Variants in CAPN3 observed in about 807,000 individuals in gnomAD.
CAPN3 encodes calpain 3, also known as calpain-3.
In CAPN3, 88 loss-of-function variants were observed where a neutral mutation model predicts 114.0. The ratio of observed to expected loss-of-function variants is 0.77; its 90% confidence interval spans 0.65 to 0.92. The LOEUF (loss-of-function observed/expected upper bound fraction) is 0.92, where lower values mean the gene tolerates loss of function less well. Ranked by LOEUF, CAPN3 falls within the 40% of genes least tolerant of loss-of-function variation. CAPN3 has a pLI of 0.00. For synonymous variants in CAPN3, 386 were observed against 382.9 expected, an observed-to-expected ratio of 1.01 and a Z score of -0.09; for missense variants, 1,028 against 1,069.0, an observed-to-expected ratio of 0.96 and a Z score of 0.53.
chr15:42,360,142 G>GT (rs756905810), intron 1 of CAPN3, 28 bp downstream of exon 1: 3 of 1,613,676 alleles, frequency 1.9e-6, no homozygotes, highest in Non-Finnish European at 2.5e-6. Context: ...TGCTGGCTGG[G>GT]TTTTCCCCCC....
rs774048743 is a variant in CAPN3 at position 42,359,938 on chromosome 15, G to A, written c.133G>A (p.Ala45Thr). The change falls in exon 1 of 24, where the codon GCC becomes ACC. Residue 45 changes from alanine (A) to threonine (T), a missense_variant. Transcript: ENST00000397163. The part of the protein sequence containing the change: ...GGGNPSGIYS[A>T]IISRNFPIIG... ...TGGAAACCCAAGTGGCATCTATTCA[G>A]CCATCATCAGCCGCAATTTTCCTAT... 5.6e-5 allele frequency: 91 copies of A among 1,614,066 alleles called. No individual in the cohort carries two copies. The highest frequency in any genetic ancestry group is 7.5e-5 in the Non-Finnish European group (89 of 1,180,034).
chr15:42,405,209 A>T (rs996435218), intron 14 of CAPN3, among the ~76,000 whole-genome samples: 6 of 152,226 alleles, frequency 3.9e-5, no homozygotes, highest in Non-Finnish European at 7.4e-5. Context: ...TTGCTCAAAA[A>T]TTTTTAAAAA....
In CAPN3 at chr15:42,385,531, C is replaced by CAGAG. The variant is rs751078121; in HGVS notation, c.380-610_380-607dup. ...CCTATTATATATATATATACACACA[C>CAGAG]AGAGAGAGAGAGAGAGAGAGAGAGA... On this transcript the variant is annotated intron_variant, in intron 2 of 23. Transcript: ENST00000397163. 641 of 361,082 alleles carry CAGAG rather than the reference C, an allele frequency of 1.8e-3. 2 individuals carry two copies. The highest frequency in any genetic ancestry group is 4.6e-3 in the South Asian group (220 of 47,346). The allele number at this position is 361,082 out of a possible 1,614,324, so 22.4% of individuals were successfully genotyped here.
chr15:42,360,771 A>G (rs769250731), intron 1 of CAPN3, among the ~76,000 whole-genome samples: 6 of 152,122 alleles, frequency 3.9e-5, no homozygotes, highest in Non-Finnish European at 8.8e-5. Context: ...CCGGATTAAA[A>G]CTTTCTGTTT....
chr15:42,363,658 G>A (rs1194419980), intron 1 of CAPN3, among the ~76,000 whole-genome samples: 1 of 152,174 alleles, frequency 6.6e-6, no homozygotes, highest in African/African-American at 2.4e-5. Flanking sequence ...GGAGTCCCTG[G>A]GCCACCTGGT....
chr15:42,380,625 A>G (rs919668006), intron 1 of CAPN3, among the ~76,000 whole-genome samples: 4 of 142,892 alleles, frequency 2.8e-5, no homozygotes, highest in Admixed American at 1.4e-4. Flanking sequence ...ATGTATGTAT[A>G]TGTGTGTGTA....
chr15:42,386,131 G>A lies in CAPN3; in HGVS notation c.380-36G>A, dbSNP rs200996550. 4.2e-6 allele frequency: 6 copies of A among 1,422,634 alleles called. No individual in the cohort carries two copies. The Admixed American group carries it at 1.0e-4, about 24-fold the overall frequency. The allele number at this position is 1,422,634 out of a possible 1,614,324, so 88.1% of individuals were successfully genotyped here. ...GGCTTTTTCTTCCCAGGAGGAGCAG[G>A]AGTGCTCACGATCTGTGCCCTGTGT... On this transcript the variant is annotated intron_variant, in intron 2 of 23. Transcript: ENST00000397163.
rs998187094 is a variant in CAPN3 at position 42,406,094 on chromosome 15, G to A, written c.1800+151G>A. Reference sequence around the variant, plus strand: ...TCCTGAGCTTCTGCTGGGGCCGAGCGTGCAGTAATGACAACTACGATTTGC... The same window carrying A: ...TCCTGAGCTTCTGCTGGGGCCGAGCATGCAGTAATGACAACTACGATTTGC... On this transcript the variant is annotated intron_variant, in intron 15 of 23. Transcript: ENST00000397163. Among the ~76,000 whole-genome samples the A allele has an allele frequency of 5.3e-5, 8 of 152,240 alleles. No homozygotes were observed. The East Asian group carries it at 9.7e-4, about 18-fold the overall frequency.
At chr15:42,398,522 T>C (rs1038933568) in intron 9 of CAPN3, among the ~76,000 whole-genome samples, 1 of 149,846 alleles carries the variant, frequency 6.7e-6, no homozygotes, top group Non-Finnish European at 1.5e-5. Flanking sequence ...AGGTGGAGGT[T>C]GCAGTGAGCC....
chr15:42,409,961 T>G lies in CAPN3; in HGVS notation c.2081T>G (p.Leu694Arg), dbSNP rs1355979542. Reference protein sequence around the residue: ...HKDLKTHGFTLESCRSMIALM... With the variant: ...HKDLKTHGFTRESCRSMIALM... ...GACCTGAAGACACACGGGTTCACACTGGAGTCCTGCCGTAGCATGATTGCG... is the reference window on the plus strand; with the variant it reads ...GACCTGAAGACACACGGGTTCACACGGGAGTCCTGCCGTAGCATGATTGCG... Residue 694 changes from leucine (L) to arginine (R), a missense_variant, in exon 19 of 24, where the codon CTG becomes CGG. Leu to Arg is a moderately radical substitution (Grantham distance 102). Transcript: ENST00000397163. 8.7e-6 allele frequency: 14 copies of G among 1,612,170 alleles called. No homozygotes were observed. The Admixed American group carries it at 1.5e-4, about 17-fold the overall frequency.
chr15:42,390,151 G>A (rs2053517878), intron 6 of CAPN3, 55 bp downstream of exon 6: 34 of 1,601,538 alleles, frequency 2.1e-5, no homozygotes, highest in South Asian at 3.3e-5. Flanking sequence ...ACATGACCCC[G>A]CCCTATTAGT....
Position 42,359,620 on chromosome 15 carries a change from C to T in CAPN3, c.-186C>T. 1 of 1,436,142 alleles carries T rather than the reference C, an allele frequency of 7.0e-7. No individual in the cohort carries two copies. The allele number at this position is 1,436,142 out of a possible 1,614,324, so 89.0% of individuals were successfully genotyped here. A position where few individuals can be genotyped will look rare whatever the true frequency, so the allele number is the denominator to read the frequency against. On this transcript the variant is annotated 5_prime_UTR_variant, in exon 1 of 24. Transcript: ENST00000397163. ...AGAACTTATGGCTTCAGAATCACAG[C>T]TCGGTTTTTAAGATGGACATAACCT... is the stretch of plus-strand genomic sequence containing the variant.
chr15:42,405,979 C>G lies in CAPN3; in HGVS notation c.1800+36C>G, dbSNP rs74621066. 9.5e-4 allele frequency: 1,500 copies of G among 1,583,306 alleles called. 1 individual carries two copies. The highest frequency in any genetic ancestry group is 1.2e-3 in the Non-Finnish European group (1,427 of 1,151,956). ...GGGTAGAGAGCATGAAGTGTGTGTA[C>G]TCATGCATATGTATGTGCATGCATG... On this transcript the variant is annotated intron_variant, in intron 15 of 23. Transcript: ENST00000397163.
intron 22 of CAPN3, 29 bp downstream of exon 22, chr15:42,411,029 C>G: frequency 5.3e-6 from 8 of 1,520,520 alleles, no homozygotes; most frequent in Non-Finnish European, 6.4e-6. Context: ...CTGCCCTCTG[C>G]TCTCTTGCAG....
At chr15:42,366,840 CT>C (rs1313802964) in intron 1 of CAPN3, among the ~76,000 whole-genome samples, 23 of 124,226 alleles carry the variant, frequency 1.9e-4, no homozygotes, top group Admixed American at 3.2e-4. Context: ...TTTTTTTTTT[CT>C]TTTTTTTTTT....
rs1220427885 is a variant in CAPN3 at position 42,408,198 on chromosome 15, C to T, written c.1801-13C>T. ...TCCTCCCTTCCTTCCTGCCTCCTCC[C>T]TCCTCTCTCCAGCCCATCATCTTCG... On this transcript the variant is annotated splice_polypyrimidine_tract_variant and intron_variant, in intron 15 of 23. Coordinates refer to ENST00000397163, the MANE Select transcript of CAPN3 (RefSeq NM_000070.3). 6.3e-7 allele frequency: 1 copy of T among 1,587,176 alleles called. No homozygotes were observed. The highest frequency in any genetic ancestry group is 1.1e-5 in the South Asian group (1 of 90,468).
At chr15:42,360,194 G>A in intron 1 of CAPN3, 80 bp downstream of exon 1, 1 of 1,473,436 alleles carries the variant, frequency 6.8e-7, no homozygotes, top group Middle Eastern at 2.1e-4. Context: ...CAGCTCAGCT[G>A]TGCACATGGG....
intron 8 of CAPN3, 85 bp from the exon 9 acceptor site, chr15:42,396,713 CTT>C: frequency 9.6e-7 from 1 of 1,042,130 alleles, no homozygotes; most frequent in Non-Finnish European, 1.5e-6. Context: ...AGCTGCAACT[CTT>C]TGTATTTCTC....
At chr15:42,384,353 A>G in intron 1 of CAPN3, 130 bp from the exon 2 acceptor site, 1 of 722,222 alleles carries the variant, frequency 1.4e-6, no homozygotes, top group South Asian at 1.4e-5. Context: ...CAGAGGTTTC[A>G]GTGAGCCAAG....
Sources: gnomAD v4.1 joint callset for allele counts (sites outside exome capture counted in the v4.1 genomes callset) on GRCh38, gnomAD v4.1.1 for gene constraint, MANE v1.5 for transcripts, NCBI Gene and HGNC (gene_info 2026-07-23, HGNC 2026-07-21) for gene names.